Variants in LINGO2 observed in about 807,000 individuals in gnomAD.
LINGO2 encodes leucine-rich repeat and immunoglobulin-like domain-containing nogo receptor-interacting protein 2.
A neutral mutation model predicts 30.6 loss-of-function variants in LINGO2; 14 were observed. The observed-to-expected ratio is 0.46, with a 90% confidence interval of 0.30 to 0.72. LINGO2 has a LOEUF of 0.72. LINGO2 is among the 30% of genes least tolerant of loss of function. The pLI is 0.07. For missense variants in LINGO2, 729 were observed against 751.7 expected (o/e 0.97, Z 0.35); for synonymous variants, 317 against 288.5 (o/e 1.10, Z -1.00).
the LINGO2 span, among the ~76,000 whole-genome samples, chr9:29,205,756 A>G: frequency 6.6e-6 from 1 of 152,188 alleles, no homozygotes; most frequent in Admixed American, 6.5e-5. Context: ...AAACACCATG[A>G]AATTTACTCT....
chr9:27,956,627 T>C (rs1481482960), intron 5 of LINGO2, among the ~76,000 whole-genome samples: 2 of 152,198 alleles, frequency 1.3e-5, no homozygotes, highest in African/African-American at 4.8e-5. Context: ...TATGCCAATG[T>C]CTTGAAGATT....
chr9:28,287,541 G>A (rs1026312567), intron 4 of LINGO2, among the ~76,000 whole-genome samples: 1 of 152,190 alleles, frequency 6.6e-6, no homozygotes, highest in Non-Finnish European at 1.5e-5. Context: ...TGAGCAGTAT[G>A]TGCCAAGTAA....
the LINGO2 span, among the ~76,000 whole-genome samples, chr9:28,678,098 G>T: frequency 6.7e-6 from 1 of 150,202 alleles, no homozygotes; most frequent in African/African-American, 2.4e-5. Flanking sequence ...AATATCAATT[G>T]GATCATGTCT....
the LINGO2 span, among the ~76,000 whole-genome samples, chr9:28,842,444 C>G: frequency 6.6e-6 from 1 of 151,854 alleles, no homozygotes; most frequent in African/African-American, 2.4e-5. Context: ...ATGAAAAAGA[C>G]ATCTCTGATA....
intron 2 of LINGO2, among the ~76,000 whole-genome samples, chr9:28,386,157 C>A (rs575869307): frequency 2.0e-5 from 3 of 152,118 alleles, no homozygotes; most frequent in Non-Finnish European, 4.4e-5. Flanking sequence ...TGTAGTGTAT[C>A]TCTGTTTTAA....
rs1388365436 is a variant in LINGO2, at chr9:28,589,125, A to G, written c.-365+81075T>C. Among the ~76,000 whole-genome samples the G allele has an allele frequency of 2.6e-5, 4 of 152,238 alleles. No individual in the cohort carries two copies. In the East Asian group the frequency reaches 5.8e-4, roughly 22 times the overall value. On this transcript the variant is annotated intron_variant, in intron 1 of 5. Coordinates refer to ENST00000379992, the Ensembl canonical transcript of LINGO2. ...ACCCTTCATGCTAAAAACTCTCAATAAATTAGGTATTGATGGGTTGTATCT... is the reference window on the plus strand; with the variant it reads ...ACCCTTCATGCTAAAAACTCTCAATGAATTAGGTATTGATGGGTTGTATCT...
intron 3 of LINGO2, among the ~76,000 whole-genome samples, chr9:28,360,139 A>G (rs1253726031): frequency 6.6e-6 from 1 of 152,236 alleles, no homozygotes; most frequent in Non-Finnish European, 1.5e-5. Context: ...ACAAAATGGT[A>G]GCCATTAATG....
chr9:28,533,984 C>A lies in LINGO2; in HGVS notation c.-364-57959G>T, dbSNP rs117424778. 3.4e-3 allele frequency among the ~76,000 whole-genome samples: 521 copies of A among 152,202 alleles called. 1 individual carries two copies. The highest frequency in any genetic ancestry group is 6.2e-3 in the Non-Finnish European group (423 of 67,994). ...GTGACCTATACATTGATAAACACAT[C>A]TAATAGATTATTGTTGTTAGGCCTT... On this transcript the variant is annotated intron_variant, in intron 1 of 5. Transcript: ENST00000379992.
the LINGO2 span, among the ~76,000 whole-genome samples, chr9:28,934,529 T>G: frequency 2.0e-5 from 3 of 152,178 alleles, no homozygotes; most frequent in African/African-American, 7.2e-5. Flanking sequence ...ATGATAAAAA[T>G]GAAACTTTCT....
At chr9:28,297,396 G>C (rs1823963247) in intron 3 of LINGO2, among the ~76,000 whole-genome samples, 1 of 151,944 alleles carries the variant, frequency 6.6e-6, no homozygotes, top group South Asian at 2.1e-4. Context: ...CATTTTATTT[G>C]AGCACCTCTG....
At chr9:28,637,201 A>T (rs1468861190) in intron 1 of LINGO2, among the ~76,000 whole-genome samples, 5 of 152,130 alleles carry the variant, frequency 3.3e-5, no homozygotes, top group African/African-American at 9.7e-5. Context: ...TGGTACCAGT[A>T]CCATCCTGTT....
the LINGO2 span, among the ~76,000 whole-genome samples, chr9:29,096,777 G>A: frequency 2.1e-5 from 3 of 139,640 alleles, no homozygotes; most frequent in South Asian, 2.2e-4. Flanking sequence ...GTGCATCTCC[G>A]GTGAGTACAT....
At chr9:28,961,521 A>T in the LINGO2 span, among the ~76,000 whole-genome samples, 2 of 152,118 alleles carry the variant, frequency 1.3e-5, no homozygotes, top group Non-Finnish European at 2.9e-5. Flanking sequence ...TATGCACTTA[A>T]ACTACAATTT....
chr9:28,066,841 G>T (rs1825327628), intron 4 of LINGO2, among the ~76,000 whole-genome samples: 1 of 151,876 alleles, frequency 6.6e-6, no homozygotes, highest in South Asian at 2.1e-4. Context: ...TTTCTCTGAG[G>T]TCATCAATGT....
chr9:28,162,991 G>T (rs1291292870), intron 4 of LINGO2, among the ~76,000 whole-genome samples: 2 of 152,158 alleles, frequency 1.3e-5, no homozygotes, highest in Non-Finnish European at 2.9e-5. Context: ...AGAGTTGCTT[G>T]CAGGAAGCTA....
chr9:28,790,128 C>A, the LINGO2 span, among the ~76,000 whole-genome samples: 2 of 152,052 alleles, frequency 1.3e-5, no homozygotes, highest in South Asian at 4.1e-4. Flanking sequence ...AAATCTTGCA[C>A]CATCCTGCTT....
At chr9:28,629,960 C>A (rs1407334796) in intron 1 of LINGO2, among the ~76,000 whole-genome samples, 1 of 147,350 alleles carries the variant, frequency 6.8e-6, no homozygotes, top group Non-Finnish European at 1.5e-5. Context: ...GTGTGATATT[C>A]CCCTTCCTGT....
intron 5 of LINGO2, among the ~76,000 whole-genome samples, chr9:27,954,036 C>T (rs1819445580): frequency 6.6e-6 from 1 of 151,980 alleles, no homozygotes; most frequent in Non-Finnish European, 1.5e-5. Flanking sequence ...ACCTGTATTA[C>T]TTTTATAATT....
chr9:28,223,899 T>A (rs1587263131), intron 4 of LINGO2, among the ~76,000 whole-genome samples: 1 of 152,266 alleles, frequency 6.6e-6, no homozygotes, highest in African/African-American at 2.4e-5. Context: ...GATAATGGGT[T>A]TTGTAGTAGA....
Sources: gnomAD v4.1 joint callset for allele counts (sites outside exome capture counted in the v4.1 genomes callset) on GRCh38, gnomAD v4.1.1 for gene constraint, MANE v1.5 for transcripts, NCBI Gene and HGNC (gene_info 2026-07-23, HGNC 2026-07-21) for gene names.